Variants in ARMCX4 observed in about 807,000 individuals in gnomAD.
The protein encoded by ARMCX4 is armadillo repeat containing X-linked 4, also known as armadillo repeat-containing X-linked protein 4.
A neutral mutation model predicts 34.7 loss-of-function variants in ARMCX4; 3 were observed. The ratio of observed to expected loss-of-function variants is 0.09; its 90% CI spans 0.04 to 0.22. ARMCX4 has a LOEUF of 0.22. Among genes scored for constraint, ARMCX4 ranks in the 10% least tolerant of loss-of-function variants. The pLI is 1.00. For missense variants in ARMCX4, 1,448 were observed against 1,720.8 expected (o/e 0.84, Z 2.81); for synonymous variants, 513 against 632.8 (o/e 0.81, Z 2.84).
downstream of ARMCX4, chrX:101,499,059 A>T (rs1556012812): frequency 8.9e-6 from 1 of 111,976 alleles, no homozygotes; most frequent in African/African-American, 3.3e-5. Context: ...ACCAACAAAG[A>T]GTTTCGGGAC....
chrX:101,442,429 G>T (rs911701644), intron 2 of ARMCX4, among the ~76,000 whole-genome samples: 2 of 111,203 alleles, frequency 1.8e-5, no homozygotes, highest in Admixed American at 1.9e-4. Context: ...GACCTTGGTG[G>T]ATTCAGCAAA....
At chrX:101,468,047 A>G (rs1289880301) in intron 4 of ARMCX4, among the ~76,000 whole-genome samples, 1 of 111,673 alleles carries the variant, frequency 9.0e-6, no homozygotes, top group Non-Finnish European at 1.9e-5. Context: ...TTTAACCTAT[A>G]TATTCTCATA....
chrX:101,508,751 C>G (rs1490712886), intron 8 of ARMCX4, among the ~76,000 whole-genome samples: 1 of 111,374 alleles, frequency 9.0e-6, no homozygotes, highest in African/African-American at 3.3e-5. Flanking sequence ...TATTATCTAC[C>G]TATGTCAAAA....
Position 101,494,324 on chromosome X carries a change from A to G in ARMCX4, c.5735A>G (p.Asn1912Ser). The stretch of plus-strand genomic sequence containing the variant: ...TTTTGGGCTGAGAGTGAGAACAGTA[A>G]TACGTTCAGATCTAAGAGTGGGAAA... ...SLFWAESENSNTFRSKSGKDA... is the reference protein window; with the variant it reads ...SLFWAESENSSTFRSKSGKDA... The change falls in exon 6 of 6, where the codon AAT becomes AGT. Residue 1912 changes from asparagine (N) to serine (S), a missense_variant. Physicochemically the swap from Asn to Ser is conservative, Grantham distance 46 (BLOSUM62 1). Around this residue, in one of 2 missense-constraint regions of ARMCX4, gnomAD observed 1,343 missense variants for 1,540.7 expected, o/e 0.87. Coordinates refer to ENST00000423738, the MANE Select transcript of ARMCX4 (RefSeq NM_001256155.3). 8.7e-7 allele frequency: 1 copy of G among 1,154,508 alleles called. No individual in the cohort carries two copies. The highest frequency in any genetic ancestry group is 1.1e-6 in the Non-Finnish European group (1 of 872,196).
chrX:101,515,490 CCTCT>C (rs1934720617), intron 11 of ARMCX4, among the ~76,000 whole-genome samples: 3 of 56,086 alleles, frequency 5.3e-5, no homozygotes, highest in South Asian at 1.3e-3. Flanking sequence ...TCCCTCCCTC[CCTCT>C]CTCTCTTTCT....
rs370539962 is a variant in ARMCX4, at chrX:101,476,654, A to G, written c.-472-9369A>G. The stretch of plus-strand genomic sequence containing the variant: ...AAAATCATGACTTCAAATTATGTAG[A>G]TGAGAATGGAAATAAACCCACCAGA... On this transcript the variant is annotated intron_variant and NMD_transcript_variant, in intron 4 of 15. Coordinates refer to the ARMCX4 transcript ENST00000433011. 8.1e-5 allele frequency among the ~76,000 whole-genome samples: 9 copies of G among 111,616 alleles called. No homozygotes were observed. In the East Asian group the frequency reaches 1.4e-3, roughly 17 times the overall value.
chrX:101,528,948 A>G (rs1340556723), intron 11 of ARMCX4, among the ~76,000 whole-genome samples: 1 of 111,809 alleles, frequency 8.9e-6, no homozygotes, highest in East Asian at 2.8e-4. Context: ...CCATCAAGCT[A>G]CCAATGACTT....
At chrX:101,528,891 C>G (rs1935050185) in intron 11 of ARMCX4, among the ~76,000 whole-genome samples, 3 of 111,134 alleles carry the variant, frequency 2.7e-5, no homozygotes, top group Non-Finnish European at 5.7e-5. Flanking sequence ...TCAATATCTT[C>G]AAAATGGCCA....
chrX:101,454,100 C>G (rs1261479507), intron 4 of ARMCX4, among the ~76,000 whole-genome samples: 1 of 110,232 alleles, frequency 9.1e-6, no homozygotes, highest in Non-Finnish European at 1.9e-5. Context: ...AGGGCATTAT[C>G]AGAGCCTAGA....
exon 10 of ARMCX4, chrX:101,509,661 A>G (rs186233578): frequency 1.8e-5 from 2 of 111,272 alleles, no homozygotes; most frequent in Non-Finnish European, 3.8e-5. Context: ...TTGGCCCCCC[A>G]AAGTGCTGGG....
intron 11 of ARMCX4, among the ~76,000 whole-genome samples, chrX:101,530,934 A>G (rs2147728689): frequency 8.9e-6 from 1 of 112,338 alleles, no homozygotes; most frequent in East Asian, 2.8e-4. Flanking sequence ...CTGTTACACT[A>G]GTTTCCTACT....
chrX:101,436,318 C>A lies in ARMCX4; in HGVS notation n.165-7734C>A, dbSNP rs782393300. On this transcript the variant is annotated intron_variant and non_coding_transcript_variant, in intron 2 of 3. Coordinates refer to the ARMCX4 transcript ENST00000430461. ...ATTTGTTTGTATCCTCTTTTATTTCCTTGAGCAGTGGTTTGTAGTTCTCCT... is the reference window on the plus strand; with the variant it reads ...ATTTGTTTGTATCCTCTTTTATTTCATTGAGCAGTGGTTTGTAGTTCTCCT... 3.3e-4 allele frequency among the ~76,000 whole-genome samples: 36 copies of A among 110,303 alleles called. No homozygotes were observed. The South Asian group carries it at 6.5e-3, about 20-fold the overall frequency.
At chrX:101,467,590 G>A (rs1376815650) in intron 4 of ARMCX4, among the ~76,000 whole-genome samples, 4 of 112,045 alleles carry the variant, frequency 3.6e-5, no homozygotes, top group African/African-American at 1.3e-4. Context: ...GTAAAGTTAT[G>A]TTTTTCCCTC....
chrX:101,522,723 CAAT>C (rs1279933128), intron 11 of ARMCX4, among the ~76,000 whole-genome samples: 2 of 111,873 alleles, frequency 1.8e-5, no homozygotes, highest in African/African-American at 6.5e-5. Flanking sequence ...AAGTTCATAT[CAAT>C]GTCAACTTAA....
At chrX:101,436,476 A>G (rs1486102727) in intron 2 of ARMCX4, among the ~76,000 whole-genome samples, 1 of 110,521 alleles carries the variant, frequency 9.0e-6, no homozygotes, top group Non-Finnish European at 1.9e-5. Context: ...AATGCTTGTG[A>G]TTTTTGCACA....
chrX:101,495,632 GTGTTGATTTTTATCTTGTCTGGATTGAGA>G lies in ARMCX4; in HGVS notation c.*172_*200del. 2.4e-6 allele frequency: 1 copy of G among 422,238 alleles called. No homozygotes were observed. The highest frequency in any genetic ancestry group is 3.7e-6 in the Non-Finnish European group (1 of 269,080). The allele number at this position is 422,238 out of a possible 1,213,427, so 34.8% of individuals were successfully genotyped here. A position where few individuals can be genotyped will look rare whatever the true frequency, so the allele number is the denominator to read the frequency against. On this transcript the variant is annotated 3_prime_UTR_variant, in exon 6 of 6. Transcript: ENST00000423738. ...ATTCAAGCTTGTACTAAAAATACATGTGTTGATTTTTATCTTGTCTGGATTGAGATATTTTTAGTATGCTTCATGAGCAG... is the reference window on the plus strand; with the variant it reads ...ATTCAAGCTTGTACTAAAAATACATGTATTTTTAGTATGCTTCATGAGCAG...
chrX:101,434,725 G>A (rs1357399617), intron 2 of ARMCX4, among the ~76,000 whole-genome samples: 2 of 108,533 alleles, frequency 1.8e-5, no homozygotes, highest in Non-Finnish European at 3.8e-5. Context: ...CCATGTTGGT[G>A]TGCTGCACCC....
upstream of ARMCX4, chrX:101,485,299 G>C (rs1933643503): frequency 9.0e-6 from 1 of 111,377 alleles, no homozygotes; most frequent in Non-Finnish European, 1.9e-5. Flanking sequence ...GGGGATGTCT[G>C]TGCGTGCGGA....
chrX:101,436,917 C>A (rs1930825492), intron 2 of ARMCX4, among the ~76,000 whole-genome samples: 1 of 111,569 alleles, frequency 9.0e-6, no homozygotes, highest in Non-Finnish European at 1.9e-5. Flanking sequence ...TGGTTTTTGT[C>A]CTTGGTTCTG....
Sources: gnomAD v4.1 joint callset for allele counts (sites outside exome capture counted in the v4.1 genomes callset) on GRCh38, gnomAD v4.1.1 for gene constraint, gnomAD v4.1.1 regional missense constraint, MANE v1.5 for transcripts, NCBI Gene and HGNC (gene_info 2026-07-23, HGNC 2026-07-21) for gene names.